DLG2: variants seen among roughly 807,000 people sequenced by gnomAD.
DLG2 encodes the protein disks large homolog 2.
DLG2 carries 45 observed loss-of-function variants against 132.5 expected under a neutral mutation model. That is an observed-to-expected ratio of 0.34 (90% CI 0.27 to 0.44). The LOEUF (loss-of-function observed/expected upper bound fraction) is 0.44, where lower values mean the gene tolerates loss of function less well. DLG2 is among the 20% of genes least tolerant of loss of function. The probability of loss-of-function intolerance (pLI) is 1.00; values close to 1 mark genes in which losing one functional copy is unlikely to be tolerated. For missense variants in DLG2, 1,045 were observed against 1,196.9 expected (o/e 0.87, Z 1.87); for synonymous variants, 424 against 419.6 (o/e 1.01, Z -0.13).
intron 7 of DLG2, among the ~76,000 whole-genome samples, chr11:84,387,122 T>C (rs1019919156): frequency 6.6e-6 from 1 of 151,956 alleles, no homozygotes; most frequent in East Asian, 1.9e-4. Context: ...AGCAGTTGAG[T>C]CCCAGGTCAT....
intron 3 of DLG2, among the ~76,000 whole-genome samples, chr11:85,524,171 T>C (rs75636501): frequency 0.036 from 5,506 of 152,208 alleles, 151 homozygotes; most frequent in Admixed American, 0.054. Context: ...TAAGATCTAG[T>C]ATTTGGTAGC....
chr11:84,986,534 T>C (rs934565380), intron 6 of DLG2, among the ~76,000 whole-genome samples: 1 of 152,138 alleles, frequency 6.6e-6, no homozygotes, highest in Non-Finnish European at 1.5e-5. Flanking sequence ...AACACAATAC[T>C]AGCTAATCGA....
At chr11:84,486,635 G>T (rs2099151632) in intron 7 of DLG2, among the ~76,000 whole-genome samples, 1 of 152,104 alleles carries the variant, frequency 6.6e-6, no homozygotes, top group South Asian at 2.1e-4. Context: ...AAAAGAAGGT[G>T]AAAAGTCTTT....
intron 21 of DLG2, among the ~76,000 whole-genome samples, chr11:83,508,768 T>G (rs972812296): frequency 2.0e-5 from 3 of 152,194 alleles, no homozygotes; most frequent in African/African-American, 4.8e-5. Context: ...CTTAGAGAGA[T>G]AACATAATTT....
chr11:84,059,285 G>A lies in DLG2; in HGVS notation c.919+30C>T, dbSNP rs548629505. ...ACTTCAGTCAGATGGTTTGTCACTA[G>A]TGTCTGTGAGTCATTTATATTTTGA... On this transcript the variant is annotated intron_variant, in intron 11 of 27. Transcript: ENST00000376104. 1.9e-6 allele frequency: 3 copies of A among 1,606,498 alleles called. No individual in the cohort carries two copies. In the South Asian group the frequency reaches 3.3e-5, roughly 18 times the overall value.
chr11:83,946,373 C>T (rs775357849), intron 14 of DLG2, among the ~76,000 whole-genome samples: 1 of 152,160 alleles, frequency 6.6e-6, no homozygotes, highest in African/African-American at 2.4e-5. Context: ...ATCAGAATCA[C>T]CTGTGGATAT....
At chr11:83,863,666 CA>C (rs2061815402) in intron 16 of DLG2, among the ~76,000 whole-genome samples, 1 of 151,758 alleles carries the variant, frequency 6.6e-6, no homozygotes, top group African/African-American at 2.4e-5. Context: ...AATAAACTGT[CA>C]AAAAAATCCT....
chr11:85,290,932 A>G (rs2078853911), intron 3 of DLG2, among the ~76,000 whole-genome samples: 1 of 152,048 alleles, frequency 6.6e-6, no homozygotes, highest in African/African-American at 2.4e-5. Flanking sequence ...ATCCTTAAAA[A>G]CTCAACATAT....
chr11:85,491,981 G>C (rs2093570301), intron 3 of DLG2, among the ~76,000 whole-genome samples: 1 of 149,194 alleles, frequency 6.7e-6, no homozygotes, highest in African/African-American at 2.6e-5. Flanking sequence ...CACACAACCT[G>C]ACTTTGAAAT....
chr11:83,753,765 TATG>T (rs1339240426), intron 18 of DLG2, among the ~76,000 whole-genome samples: 1 of 139,498 alleles, frequency 7.2e-6, no homozygotes, highest in Non-Finnish European at 1.5e-5. Context: ...ATGTAATATA[TATG>T]ATATGGCATA....
rs1467141378 is a variant in DLG2, at chr11:84,363,609, G to T, written c.520-112318C>A. Among the ~76,000 whole-genome samples the T allele has an allele frequency of 9.9e-5, 15 of 151,680 alleles. 1 individual carries two copies. Among genetic ancestry groups the T allele is most frequent in the Admixed American group, 9.9e-4 (15 of 15,218 alleles). ...CCATGCCTATGTCCTGAATGGTAAT[G>T]CCTAGGTTTTCTTCTAGGGTTTTTA... On this transcript the variant is annotated intron_variant, in intron 7 of 27. Coordinates refer to ENST00000376104, the MANE Select transcript of DLG2 (RefSeq NM_001142699.3).
chr11:83,741,597 A>G (rs1001277151), intron 18 of DLG2, among the ~76,000 whole-genome samples: 1 of 152,302 alleles, frequency 6.6e-6, no homozygotes, highest in Non-Finnish European at 1.5e-5. Context: ...CAGCTAATCA[A>G]GGAGGTGAAA....
At chr11:84,943,578 C>T (rs1481383877) in intron 6 of DLG2, among the ~76,000 whole-genome samples, 3 of 152,134 alleles carry the variant, frequency 2.0e-5, no homozygotes, top group African/African-American at 7.2e-5. Context: ...GATGACAACA[C>T]AATTGCAAAA....
chr11:84,394,115 G>A (rs2098802762), intron 7 of DLG2, among the ~76,000 whole-genome samples: 1 of 152,020 alleles, frequency 6.6e-6, no homozygotes, highest in Non-Finnish European at 1.5e-5. Context: ...GATCTCAAGC[G>A]ATCCACCCGC....
intron 9 of DLG2, among the ~76,000 whole-genome samples, chr11:84,115,923 G>A (rs1473897017): frequency 2.6e-5 from 4 of 152,184 alleles, no homozygotes; most frequent in East Asian, 1.9e-4. Context: ...CTCGTTTCTA[G>A]AACAGCACCA....
At chr11:85,366,987 A>G (rs1483831526) in intron 3 of DLG2, among the ~76,000 whole-genome samples, 1 of 152,114 alleles carries the variant, frequency 6.6e-6, no homozygotes, top group Non-Finnish European at 1.5e-5. Flanking sequence ...CACATTTTTT[A>G]TAGTATACTT....
At chr11:84,997,312 T>C (rs915501915) in intron 6 of DLG2, 2 of 152,210 alleles carry the variant, frequency 1.3e-5, no homozygotes, top group African/African-American at 4.8e-5. Context: ...CTCTCCATTT[T>C]CAGTTTTGCT....
intron 11 of DLG2, among the ~76,000 whole-genome samples, chr11:84,010,068 T>C (rs1037867143): frequency 1.4e-4 from 21 of 151,942 alleles, no homozygotes; most frequent in African/African-American, 5.1e-4. Flanking sequence ...CTAATCTTAG[T>C]AGCAGAAACA....
At chr11:85,320,650 A>G in intron 3 of DLG2, among the ~76,000 whole-genome samples, 1 of 152,026 alleles carries the variant, frequency 6.6e-6, no homozygotes, top group Non-Finnish European at 1.5e-5. Context: ...ATTACTTTAT[A>G]TCAAATAGTC....
Sources: gnomAD v4.1 joint callset for allele counts (sites outside exome capture counted in the v4.1 genomes callset) on GRCh38, gnomAD v4.1.1 for gene constraint, MANE v1.5 for transcripts, NCBI Gene and HGNC (gene_info 2026-07-23, HGNC 2026-07-21) for gene names.